The following ATP8B2 variants were observed in gnomAD, a reference collection of about 807,000 sequenced individuals.
ATP8B2 encodes the protein ATPase phospholipid transporting 8B2.
In ATP8B2, 70 loss-of-function variants were observed where a neutral mutation model predicts 133.4. The ratio of observed to expected loss-of-function variants is 0.52; its 90% CI spans 0.43 to 0.64. The LOEUF is 0.64. ATP8B2 is among the 30% of genes least tolerant of loss of function. ATP8B2 has a pLI of 0.00. For synonymous variants in ATP8B2, 517 were observed against 589.5 expected (o/e 0.88, Z 1.78); for missense variants, 1,101 against 1,535.7 (o/e 0.72, Z 4.73).
rs1230645126 is a variant in ATP8B2 at position 154,340,292 on chromosome 1, G to C, written c.1035-562G>C. 1.3e-5 allele frequency among the ~76,000 whole-genome samples: 2 copies of C among 152,188 alleles called. No homozygotes were observed. On this transcript the variant is annotated intron_variant, in intron 12 of 27. Transcript: ENST00000368489. This position sits in a 1 kb window ranked among gnomAD's most constrained non-coding sequence, Gnocchi z 4.0. ...GGAGTCAGCACCTCAGCCCTGCCCG[G>C]TGTTCAGAATCAGGAATGTAGTGCC...
chr1:154,341,276 G>A (rs1686375699), intron 13 of ATP8B2: 1 of 628,966 alleles, frequency 1.6e-6, no homozygotes, highest in Non-Finnish European at 2.8e-6. Context: ...CTCGAGCCCA[G>A]GAATGCGAGA....
chr1:154,348,782 T>G, intron 27 of ATP8B2, 58 bp from the exon 28 acceptor site: 1 of 1,500,236 alleles, frequency 6.7e-7, no homozygotes, highest in South Asian at 1.3e-5. Context: ...TCCCTTCTCC[T>G]TGGCGATATC....
intron 11 of ATP8B2, among the ~76,000 whole-genome samples, chr1:154,336,204 G>A (rs9787014): frequency 0.16 from 23,807 of 152,062 alleles, 1,948 homozygotes; most frequent in African/African-American, 0.19. Context: ...GAGGACTCTG[G>A]AAGGTTTCAA....
Position 154,334,711 on chromosome 1 carries a change from G to A in ATP8B2, c.837+120G>A. 1.3e-6 allele frequency: 1 copy of A among 751,214 alleles called. No homozygotes were observed. The highest frequency in any genetic ancestry group is 1.8e-5 in the South Asian group (1 of 55,890). The allele number at this position is 751,214 out of a possible 1,614,324, so 46.5% of individuals were successfully genotyped here. A position where few individuals can be genotyped will look rare whatever the true frequency, so the allele number is the denominator to read the frequency against. ...AGGTTTGGCTTTAAAGCTGCTAGCA[G>A]GTCAGCTACACAAAGGCAGTGTTTA... On this transcript the variant is annotated intron_variant, in intron 11 of 27. Coordinates refer to ENST00000368489, the MANE Select transcript of ATP8B2 (RefSeq NM_001370597.1). This position sits in a 1 kb window ranked among gnomAD's most constrained non-coding sequence, Gnocchi z 4.6.
At chr1:154,339,354 A>T (rs897666042) in intron 12 of ATP8B2, among the ~76,000 whole-genome samples, 3 of 152,230 alleles carry the variant, frequency 2.0e-5, no homozygotes, top group African/African-American at 7.2e-5. Flanking sequence ...CACGTGAAAC[A>T]GGAACAGGAG....
intron 9 of ATP8B2, 116 bp from the exon 10 acceptor site, chr1:154,333,990 TG>T: frequency 7.9e-7 from 1 of 1,260,610 alleles, no homozygotes; most frequent in Non-Finnish European, 1.1e-6. Context: ...CAGCAGCATA[TG>T]GATGGGCCCT....
Position 154,334,306 on chromosome 1 carries a change from C to G in ATP8B2, c.748+41C>G. 1 of 1,606,344 alleles carries G rather than the reference C, an allele frequency of 6.2e-7. No homozygotes were observed. Among genetic ancestry groups the G allele is most frequent in the African/African-American group, 1.3e-5 (1 of 74,874 alleles). On this transcript the variant is annotated intron_variant, in intron 10 of 27. Transcript: ENST00000368489. The surrounding 1 kb of genome is among the most constrained non-coding windows in gnomAD (Gnocchi z 4.6). ...TCCAAAGAAAGAAGGGTAAGAGTGA[C>G]TCAGCCAGCCCTCACTCAGGAGTAT...
At position 154,340,298 on chromosome 1, in the gene ATP8B2, A is replaced by G. The variant is rs1233149705; in HGVS notation, c.1035-556A>G. Among the ~76,000 whole-genome samples the G allele has an allele frequency of 1.3e-5, 2 of 152,120 alleles. No homozygotes were observed. Among genetic ancestry groups the G allele is most frequent in the Admixed American group, 6.5e-5 (1 of 15,282 alleles). Reference sequence around the variant, plus strand: ...AGCACCTCAGCCCTGCCCGGTGTTCAGAATCAGGAATGTAGTGCCCCAAGC... The same window carrying G: ...AGCACCTCAGCCCTGCCCGGTGTTCGGAATCAGGAATGTAGTGCCCCAAGC... On this transcript the variant is annotated intron_variant, in intron 12 of 27. Transcript: ENST00000368489. This position sits in a 1 kb window ranked among gnomAD's most constrained non-coding sequence, Gnocchi z 4.0.
At chr1:154,342,566 G>A (rs780434517) in intron 14 of ATP8B2, 43 bp downstream of exon 14, 3 of 1,588,520 alleles carry the variant, frequency 1.9e-6, no homozygotes, top group South Asian at 1.1e-5. Context: ...GTGAAACAGG[G>A]TGCCTGGCCA....
At position 154,349,030 on chromosome 1, in the gene ATP8B2, G is replaced by C; in HGVS notation, c.3485G>C (p.Ser1162Thr). 6.2e-7 allele frequency: 1 copy of C among 1,614,250 alleles called. No homozygotes were observed. ...LALSSFTTRS[S>T]SSWIESLRRK... ...CTCTCCAGCTTCACCACCCGCTCCA[G>C]CTCCAGCTGGATTGAGAGCCTGCGC... The change falls in exon 28 of 28, where the codon AGC (serine) becomes ACC (threonine). Residue 1162 changes from serine to threonine, a missense_variant. Coordinates refer to ENST00000368489, the MANE Select transcript of ATP8B2 (RefSeq NM_001370597.1).
At position 154,344,374 on chromosome 1, in the gene ATP8B2, T is replaced by G; in HGVS notation, c.2036-21T>G. ...ACCTTGTTGGGTGCCTGTCCGTAGC[T>G]CCTGCGTTCTCTCTTGGTAGAGACG... On this transcript the variant is annotated intron_variant, in intron 19 of 27. Coordinates refer to ENST00000368489, the MANE Select transcript of ATP8B2 (RefSeq NM_001370597.1). This position sits in a 1 kb window ranked among gnomAD's most constrained non-coding sequence, Gnocchi z 4.1. 2 of 1,614,148 alleles carry G rather than the reference T, an allele frequency of 1.2e-6. No individual in the cohort carries two copies. Among genetic ancestry groups the G allele is most frequent in the Non-Finnish European group, 1.7e-6 (2 of 1,180,002 alleles).
rs1046271706 is a variant in ATP8B2 at position 154,340,075 on chromosome 1, G to T, written c.1035-779G>T. Among the ~76,000 whole-genome samples the T allele has an allele frequency of 1.3e-5, 2 of 152,164 alleles. No individual in the cohort carries two copies. The highest frequency in any genetic ancestry group is 4.8e-5 in the African/African-American group (2 of 41,416). On this transcript the variant is annotated intron_variant, in intron 12 of 27. Coordinates refer to ENST00000368489, the MANE Select transcript of ATP8B2 (RefSeq NM_001370597.1). The surrounding 1 kb of genome is among the most constrained non-coding windows in gnomAD (Gnocchi z 4.0). ...TGCACCTGTAGTCCCAGCTACTAGG[G>T]AGGCTGAGGTGGGAGGATTGCTTGA...
At position 154,348,904 on chromosome 1, in the gene ATP8B2, G is replaced by T. The variant is rs1453779450; in HGVS notation, c.3359G>T (p.Gly1120Val). ...KAQHRCMRRV[G>V]RTGSRRSGYA... The stretch of plus-strand genomic sequence containing the variant: ...CAGCACCGCTGCATGCGGCGGGTTG[G>T]CCGCACTGGCTCCCGGCGCTCCGGC... The change falls in exon 28 of 28, where the codon GGC becomes GTC. Residue 1120 changes from glycine (G) to valine (V), a missense_variant. By Grantham distance (109) the Gly-to-Val change is moderately radical. Coordinates refer to ENST00000368489, the MANE Select transcript of ATP8B2 (RefSeq NM_001370597.1). 6.2e-7 allele frequency: 1 copy of T among 1,613,740 alleles called. No homozygotes were observed. The highest frequency in any genetic ancestry group is 8.5e-7 in the Non-Finnish European group (1 of 1,179,814).
chr1:154,337,423 C>T lies in ATP8B2; in HGVS notation c.913C>T (p.Arg305Cys), dbSNP rs767034036. ...CATCTGGGAGCACGAGGTGGGGATGCGTTTCCAGGTCTACCTGCCGTGGGA... is the reference window on the plus strand; with the variant it reads ...CATCTGGGAGCACGAGGTGGGGATGTGTTTCCAGGTCTACCTGCCGTGGGA... ...NAIWEHEVGMRFQVYLPWDEA... is the reference protein window; with the variant it reads ...NAIWEHEVGMCFQVYLPWDEA... The change falls in exon 12 of 28, where the codon CGT becomes TGT. Residue 305 changes from arginine to cysteine, a missense_variant. Transcript: ENST00000368489. 2.2e-5 allele frequency: 36 copies of T among 1,614,024 alleles called. No individual in the cohort carries two copies. The highest frequency in any genetic ancestry group is 3.3e-4 in the Middle Eastern group (2 of 6,084).
chr1:154,332,410 G>A (rs1278971708), intron 8 of ATP8B2, among the ~76,000 whole-genome samples: 5 of 152,208 alleles, frequency 3.3e-5, no homozygotes, highest in African/African-American at 1.2e-4. Flanking sequence ...TTAAAACTTA[G>A]CTGGGTATGG....
At position 154,351,225 on chromosome 1, in the gene ATP8B2, C is replaced by T. The variant is rs1686779239; in HGVS notation, c.*2107C>T. ...AATTAAGGAACATTATAATTTATGA[C>T]ACATTTCTATACTTGCAAAAATTAT... On this transcript the variant is annotated 3_prime_UTR_variant, in exon 28 of 28. Coordinates refer to ENST00000368489, the MANE Select transcript of ATP8B2 (RefSeq NM_001370597.1). The T allele has an allele frequency of 6.6e-6, 1 of 152,200 alleles. No individual in the cohort carries two copies. Among genetic ancestry groups the T allele is most frequent in the Non-Finnish European group, 1.5e-5 (1 of 67,980 alleles). 9.4% of individuals were successfully genotyped at this position (152,200 alleles called of 1,614,324 possible). A position where few individuals can be genotyped will look rare whatever the true frequency, so the allele number is the denominator to read the frequency against.
chr1:154,342,513 A>C lies in ATP8B2; in HGVS notation c.1277A>C (p.Glu426Ala), dbSNP rs770030282. 2 of 1,613,622 alleles carry C rather than the reference A, an allele frequency of 1.2e-6. No individual in the cohort carries two copies. Among genetic ancestry groups the C allele is most frequent in the Non-Finnish European group, 1.7e-6 (2 of 1,179,764 alleles). The stretch of plus-strand genomic sequence containing the variant: ...TTTGACGTCCTGGGACACAAAGCTG[A>C]ATTGGGAGAGGTAAGATTCAGTCTC... The part of the protein sequence containing the change: ...DVFDVLGHKA[E>A]LGERPEPVDF... The change falls in exon 14 of 28, where the codon GAA (glutamate) becomes GCA (alanine). Residue 426 changes from glutamate (E) to alanine (A), a missense_variant. By Grantham distance (107) the Glu-to-Ala change is moderately radical. Transcript: ENST00000368489.
chr1:154,344,682 G>T lies in ATP8B2; in HGVS notation c.2183G>T (p.Gly728Val), dbSNP rs1686520560. The change falls in exon 21 of 28, where the codon GGC becomes GTC. Residue 728 changes from glycine to valine, a missense_variant. By Grantham distance (109) the Gly-to-Val change is moderately radical. Transcript: ENST00000368489. The surrounding 1 kb of genome is among the most constrained non-coding windows in gnomAD (Gnocchi z 4.1). ...ATGATGGACTCATCCCGCTCCGTAG[G>T]CAACGGCTTCACCTATCAGGACAAG... The part of the protein sequence containing the change: ...EKMMDSSRSV[G>V]NGFTYQDKLS... 2 of 1,611,768 alleles carry T rather than the reference G, an allele frequency of 1.2e-6. No homozygotes were observed. Among genetic ancestry groups the T allele is most frequent in the Non-Finnish European group, 1.7e-6 (2 of 1,178,028 alleles).
In ATP8B2 at chr1:154,344,811, G is replaced by A. The variant is rs1187828505; in HGVS notation, c.2286+26G>A. 1 of 1,581,484 alleles carries A rather than the reference G, an allele frequency of 6.3e-7. No homozygotes were observed. Among genetic ancestry groups the A allele is most frequent in the Non-Finnish European group, 8.6e-7 (1 of 1,158,558 alleles). ...GTAGGCATCGCTATCCTTAGCTTGGGCAGTATCTTTCCAGTGAGCACTTCT... is the reference window on the plus strand; with the variant it reads ...GTAGGCATCGCTATCCTTAGCTTGGACAGTATCTTTCCAGTGAGCACTTCT... On this transcript the variant is annotated intron_variant, in intron 21 of 27. Coordinates refer to ENST00000368489, the MANE Select transcript of ATP8B2 (RefSeq NM_001370597.1). The surrounding 1 kb of genome is among the most constrained non-coding windows in gnomAD (Gnocchi z 4.1).
Sources: allele counts gnomAD v4.1 joint callset (sites outside exome capture counted in the v4.1 genomes callset), GRCh38; gene constraint gnomAD v4.1.1; non-coding constraint Gnocchi (gnomAD v3.1); transcripts MANE v1.5; gene names NCBI Gene and HGNC (gene_info 2026-07-23, HGNC 2026-07-21).